Variants in PTPRD observed in about 807,000 individuals in gnomAD.
PTPRD encodes protein tyrosine phosphatase receptor type D, also known as receptor-type tyrosine-protein phosphatase delta.
Under a neutral mutation model 214.5 loss-of-function variants are expected in PTPRD, and 34 were observed. The ratio of observed to expected loss-of-function variants is 0.16; its 90% CI spans 0.12 to 0.21. The LOEUF is 0.21. Among genes scored for constraint, PTPRD ranks in the 10% least tolerant of loss-of-function variants. The pLI is 1.00. For synonymous variants in PTPRD, 1,128 were observed against 845.7 expected, an observed-to-expected ratio of 1.33 and a Z score of -5.79; for missense variants, 2,545 against 2,398.7, an observed-to-expected ratio of 1.06 and a Z score of -1.27.
chr9:8,752,363 C>A (rs1004038681), intron 11 of PTPRD, among the ~76,000 whole-genome samples: 1 of 152,082 alleles, frequency 6.6e-6, no homozygotes, highest in Non-Finnish European at 1.5e-5. Flanking sequence ...GATGCCATGG[C>A]AACATCAGGA....
At chr9:8,618,238 G>C (rs2095677320) in intron 14 of PTPRD, among the ~76,000 whole-genome samples, 1 of 151,972 alleles carries the variant, frequency 6.6e-6, no homozygotes, top group African/African-American at 2.4e-5. Context: ...CATAGAAAAA[G>C]GAATATTTTC....
chr9:10,262,460 G>A (rs2093759659), intron 3 of PTPRD, among the ~76,000 whole-genome samples: 2 of 152,146 alleles, frequency 1.3e-5, no homozygotes, highest in South Asian at 2.1e-4. Context: ...AATCACCTAA[G>A]AAATAGTGAA....
chr9:10,274,901 T>A (rs116742000), intron 3 of PTPRD, among the ~76,000 whole-genome samples: 1 of 152,204 alleles, frequency 6.6e-6, no homozygotes, highest in African/African-American at 2.4e-5. Context: ...GTGGAATAGA[T>A]GGTATGGGTG....
rs78918106 is a variant in PTPRD at position 10,267,247 on chromosome 9, G to C, written c.-545+73716C>G. On this transcript the variant is annotated intron_variant, in intron 3 of 45. Coordinates refer to ENST00000381196, the MANE Select transcript of PTPRD (RefSeq NM_002839.4). ...AGTAGTCAGGGATGGAGCAGATGGA[G>C]TTACACCAACACTTTTGGAAGTAGG... Among the ~76,000 whole-genome samples, 714 of 151,374 alleles carry C rather than the reference G, an allele frequency of 4.7e-3. 3 individuals carry two copies. Among genetic ancestry groups the C allele is most frequent in the Admixed American group, 6.6e-3 (101 of 15,196 alleles).
intron 11 of PTPRD, among the ~76,000 whole-genome samples, chr9:8,815,885 A>G (rs1314184483): frequency 6.6e-6 from 1 of 152,222 alleles, no homozygotes; most frequent in Non-Finnish European, 1.5e-5. Context: ...TATTGAATGT[A>G]CAAGTGAAAT....
chr9:9,317,469 C>T (rs1025154849), intron 9 of PTPRD, among the ~76,000 whole-genome samples: 1 of 152,036 alleles, frequency 6.6e-6, no homozygotes, highest in African/African-American at 2.4e-5. Flanking sequence ...CTTTTAACTC[C>T]TTTCCACAAT....
chr9:9,813,639 A>G (rs2047858621), intron 5 of PTPRD, among the ~76,000 whole-genome samples: 2 of 152,096 alleles, frequency 1.3e-5, no homozygotes, highest in South Asian at 2.1e-4. Context: ...AAATCTCCCA[A>G]AAAGAAAAGT....
chr9:10,486,703 G>C (rs1469099459), intron 2 of PTPRD, among the ~76,000 whole-genome samples: 1 of 152,118 alleles, frequency 6.6e-6, no homozygotes, highest in Non-Finnish European at 1.5e-5. Flanking sequence ...AAATGTTTTA[G>C]GACATTTTTG....
chr9:8,763,683 A>T (rs2154478595), intron 11 of PTPRD, among the ~76,000 whole-genome samples: 1 of 151,972 alleles, frequency 6.6e-6, no homozygotes, highest in African/African-American at 2.4e-5. Flanking sequence ...AACAAAAAAA[A>T]AAAAGGTCAC....
intron 14 of PTPRD, among the ~76,000 whole-genome samples, chr9:8,615,546 A>G (rs981508571): frequency 2.0e-5 from 3 of 152,082 alleles, no homozygotes; most frequent in Admixed American, 6.6e-5. Context: ...TGTTTTTAGA[A>G]GCATTAGTTC....
chr9:8,624,920 T>C (rs751920114), intron 14 of PTPRD, among the ~76,000 whole-genome samples: 1 of 151,822 alleles, frequency 6.6e-6, no homozygotes, highest in Admixed American at 6.6e-5. Context: ...GTTCATTATA[T>C]GTAAAGTAAG....
chr9:9,858,007 A>T (rs1016418945), intron 5 of PTPRD, among the ~76,000 whole-genome samples: 2 of 152,220 alleles, frequency 1.3e-5, no homozygotes, highest in African/African-American at 4.8e-5. Flanking sequence ...TGCTATAATG[A>T]ACCATTATCT....
intron 5 of PTPRD, among the ~76,000 whole-genome samples, chr9:9,868,818 C>G (rs1307011895): frequency 6.6e-6 from 1 of 151,140 alleles, no homozygotes; most frequent in East Asian, 1.9e-4. Flanking sequence ...TATTAAATCT[C>G]TCATCTACAA....
chr9:9,932,345 T>A (rs1432340474), intron 5 of PTPRD, among the ~76,000 whole-genome samples: 16 of 141,238 alleles, frequency 1.1e-4, no homozygotes, highest in African/African-American at 4.2e-4. Flanking sequence ...TTTAGAAGAA[T>A]GTATAACTAG....
chr9:10,240,422 G>GA (rs1251760982), intron 3 of PTPRD, among the ~76,000 whole-genome samples: 1 of 151,742 alleles, frequency 6.6e-6, no homozygotes, highest in Non-Finnish European at 1.5e-5. Context: ...GAAAGGTGAG[G>GA]AAAAACGCCT....
At chr9:10,104,412 C>T (rs867242081) in intron 3 of PTPRD, among the ~76,000 whole-genome samples, 6 of 151,560 alleles carry the variant, frequency 4.0e-5, no homozygotes, top group South Asian at 2.1e-4. Context: ...CCTATATACA[C>T]GAACACACAT....
intron 3 of PTPRD, among the ~76,000 whole-genome samples, chr9:10,217,544 G>T (rs1594517579): frequency 6.6e-6 from 1 of 151,920 alleles, no homozygotes; most frequent in East Asian, 1.9e-4. Flanking sequence ...CATGAAAGGA[G>T]TATCAAAATA....
chr9:8,676,289 GC>G (rs1379346646), intron 12 of PTPRD, among the ~76,000 whole-genome samples: 1 of 150,870 alleles, frequency 6.6e-6, no homozygotes, highest in African/African-American at 2.4e-5. Context: ...AACTCCCTAA[GC>G]CCACCTTAAG....
At chr9:10,332,209 G>T (rs1048263955) in intron 3 of PTPRD, among the ~76,000 whole-genome samples, 1 of 151,822 alleles carries the variant, frequency 6.6e-6, no homozygotes, top group Non-Finnish European at 1.5e-5. Context: ...TTAGGAGAAA[G>T]AAACTATAAT....
Sources: allele counts gnomAD v4.1 joint callset (sites outside exome capture counted in the v4.1 genomes callset), GRCh38; gene constraint gnomAD v4.1.1; transcripts MANE v1.5; gene names NCBI Gene and HGNC (gene_info 2026-07-23, HGNC 2026-07-21).